GALNT13: variants seen among roughly 807,000 people sequenced by gnomAD.
The protein encoded by GALNT13 is polypeptide N-acetylgalactosaminyltransferase 13.
In GALNT13, 28 loss-of-function variants were observed where a neutral mutation model predicts 64.2. That is an observed-to-expected ratio of 0.44 (90% CI 0.32 to 0.60). The LOEUF is 0.60. GALNT13 is among the 20% of genes least tolerant of loss of function. The pLI is 0.05. For missense variants in GALNT13, 577 were observed against 669.8 expected (o/e 0.86, Z 1.53); for synonymous variants, 214 against 224.6 (o/e 0.95, Z 0.42).
intron 11 of GALNT13, among the ~76,000 whole-genome samples, chr2:154,412,000 G>A (rs537429891): frequency 1.9e-3 from 290 of 151,764 alleles, no homozygotes; most frequent in Non-Finnish European, 3.1e-3. Context: ...CATGCAATGT[G>A]TATTGATCCA....
At chr2:154,397,383 G>A (rs1214767195) in intron 10 of GALNT13, among the ~76,000 whole-genome samples, 1 of 152,178 alleles carries the variant, frequency 6.6e-6, no homozygotes, top group African/African-American at 2.4e-5. Flanking sequence ...AGCTTGCAAT[G>A]AGCCGAGATC....
At chr2:153,304,793 C>T in the GALNT13 span, among the ~76,000 whole-genome samples, 56 of 152,270 alleles carry the variant, frequency 3.7e-4, no homozygotes, top group South Asian at 0.01. Context: ...TAACCTTATA[C>T]ATTCCAAGTC....
the GALNT13 span, among the ~76,000 whole-genome samples, chr2:153,507,515 G>T: frequency 1.3e-5 from 2 of 152,034 alleles, no homozygotes; most frequent in African/African-American, 4.8e-5. Context: ...TCCTGATCTC[G>T]TGATCCACTA....
At chr2:153,861,152 T>C in the GALNT13 span, among the ~76,000 whole-genome samples, 1 of 152,210 alleles carries the variant, frequency 6.6e-6, no homozygotes, top group Non-Finnish European at 1.5e-5. Context: ...GACTTAGACA[T>C]AGCTACCATT....
chr2:153,520,863 A>G, the GALNT13 span, among the ~76,000 whole-genome samples: 4 of 152,202 alleles, frequency 2.6e-5, no homozygotes, highest in African/African-American at 9.6e-5. Flanking sequence ...AGAAGAGACC[A>G]TGAGATATGT....
the GALNT13 span, among the ~76,000 whole-genome samples, chr2:153,786,353 T>TC: frequency 5.8e-4 from 88 of 151,870 alleles, no homozygotes; most frequent in African/African-American, 1.9e-3. Flanking sequence ...TGGAGAGGAG[T>TC]CCAGCCCCTC....
At chr2:154,378,456 A>G (rs1260642264) in intron 9 of GALNT13, among the ~76,000 whole-genome samples, 1 of 152,092 alleles carries the variant, frequency 6.6e-6, no homozygotes, top group Non-Finnish European at 1.5e-5. Flanking sequence ...TTTCAAAACC[A>G]TTATCCATCT....
chr2:153,941,089 T>C (rs901182045), intron 2 of GALNT13, among the ~76,000 whole-genome samples: 7 of 152,148 alleles, frequency 4.6e-5, no homozygotes, highest in African/African-American at 1.7e-4. Flanking sequence ...GGAGTTTCTC[T>C]CTTGTTGCCC....
chr2:154,203,497 T>A (rs1428495181), intron 4 of GALNT13, among the ~76,000 whole-genome samples: 1 of 152,116 alleles, frequency 6.6e-6, no homozygotes. Flanking sequence ...AGATTTTTAA[T>A]GACAATTTTT....
chr2:154,091,056 T>C (rs1701779486), intron 3 of GALNT13, among the ~76,000 whole-genome samples: 1 of 151,878 alleles, frequency 6.6e-6, no homozygotes, highest in Admixed American at 6.6e-5. Flanking sequence ...TTAAACTGCA[T>C]AAACAGGTTA....
At chr2:153,529,673 C>G in the GALNT13 span, among the ~76,000 whole-genome samples, 1 of 151,580 alleles carries the variant, frequency 6.6e-6, no homozygotes, top group Non-Finnish European at 1.5e-5. Context: ...ACTAGCAAAC[C>G]AAATTCAACG....
At chr2:154,003,022 A>G (rs1224200869) in intron 3 of GALNT13, among the ~76,000 whole-genome samples, 2 of 152,140 alleles carry the variant, frequency 1.3e-5, no homozygotes, top group Non-Finnish European at 1.5e-5. Context: ...CTTGACACAA[A>G]TACTTAGGCT....
chr2:153,867,941 CCTT>C (rs1372666141), upstream of GALNT13, among the ~76,000 whole-genome samples: 2 of 152,138 alleles, frequency 1.3e-5, no homozygotes, highest in African/African-American at 4.8e-5. Context: ...TCCCTCATAT[CCTT>C]CTGTGTGGCC....
At chr2:153,173,113 C>CTA in the GALNT13 span, 3 of 151,960 alleles carry the variant, frequency 2.0e-5, no homozygotes, top group South Asian at 2.1e-4. Context: ...ATATCTATAT[C>CTA]TATATAATTC....
At chr2:153,437,681 A>G in the GALNT13 span, among the ~76,000 whole-genome samples, 1 of 151,972 alleles carries the variant, frequency 6.6e-6, no homozygotes, top group African/African-American at 2.4e-5. Context: ...TTTGCTTGGT[A>G]GATCTTCCTC....
chr2:154,158,415 T>G (rs1351796870), intron 4 of GALNT13, among the ~76,000 whole-genome samples: 1 of 152,204 alleles, frequency 6.6e-6, no homozygotes. Flanking sequence ...AATATTTTAG[T>G]CTAAGCTGCT....
intron 3 of GALNT13, among the ~76,000 whole-genome samples, chr2:154,022,087 C>T (rs1697550115): frequency 6.6e-6 from 1 of 152,260 alleles, no homozygotes; most frequent in Middle Eastern, 3.4e-3. Flanking sequence ...TTTTGATGTG[C>T]TGCTGGATTC....
At chr2:153,324,399 G>A in the GALNT13 span, among the ~76,000 whole-genome samples, 1 of 152,168 alleles carries the variant, frequency 6.6e-6, no homozygotes, top group Non-Finnish European at 1.5e-5. Context: ...TTCGGGCTGA[G>A]ACAACAGGGT....
chr2:153,980,264 T>G (rs1694372027), intron 3 of GALNT13, among the ~76,000 whole-genome samples: 1 of 152,118 alleles, frequency 6.6e-6, no homozygotes, highest in African/African-American at 2.4e-5. Context: ...CACTGAAGGA[T>G]TATAAACAGG....
Sources: gnomAD v4.1 joint callset for allele counts (sites outside exome capture counted in the v4.1 genomes callset) on GRCh38, gnomAD v4.1.1 for gene constraint, MANE v1.5 for transcripts, NCBI Gene and HGNC (gene_info 2026-07-23, HGNC 2026-07-21) for gene names.